Variants in LRP1B observed in about 807,000 individuals in gnomAD.
LRP1B encodes low-density lipoprotein receptor-related protein 1B.
Under a neutral mutation model 556.6 loss-of-function variants are expected in LRP1B, and 217 were observed. That is an observed-to-expected ratio of 0.39 (90% CI 0.35 to 0.44). The LOEUF (loss-of-function observed/expected upper bound fraction) is 0.44, where lower values mean the gene tolerates loss of function less well. LRP1B is among the 20% of genes least tolerant of loss of function. The probability of loss-of-function intolerance (pLI) is 1.00; values close to 1 mark genes in which losing one functional copy is unlikely to be tolerated. For synonymous variants in LRP1B, 2,047 were observed against 1,865.8 expected (o/e 1.10, Z -2.50); for missense variants, 5,053 against 5,620.8 (o/e 0.90, Z 3.23).
intron 2 of LRP1B, among the ~76,000 whole-genome samples, chr2:141,535,039 C>T (rs1685022210): frequency 1.3e-5 from 2 of 152,160 alleles, no homozygotes; most frequent in Non-Finnish European, 2.9e-5. Flanking sequence ...TTTACACAGC[C>T]ATCAATTCCT....
intron 80 of LRP1B, among the ~76,000 whole-genome samples, chr2:140,324,650 TTG>T (rs1251929603): frequency 3.3e-5 from 5 of 152,070 alleles, no homozygotes; most frequent in Non-Finnish European, 7.4e-5. Context: ...TTTTCACATC[TTG>T]TGATTTATTT....
chr2:141,371,137 C>A lies in LRP1B; in HGVS notation c.343+109259G>T, dbSNP rs567331424. Among the ~76,000 whole-genome samples the A allele has an allele frequency of 1.2e-4, 18 of 152,216 alleles. No individual in the cohort carries two copies. In the South Asian group the frequency reaches 2.3e-3, roughly 19 times the overall value. The stretch of plus-strand genomic sequence containing the variant: ...TAGCTGGGATTACAGGCATGCACCA[C>A]CACGCCAGGTACATTTTTGTATTTT... On this transcript the variant is annotated intron_variant, in intron 3 of 90. Coordinates refer to ENST00000389484, the MANE Select transcript of LRP1B (RefSeq NM_018557.3).
chr2:141,169,545 G>A (rs903561913), intron 7 of LRP1B, among the ~76,000 whole-genome samples: 5 of 151,602 alleles, frequency 3.3e-5, no homozygotes, highest in African/African-American at 4.8e-5. Flanking sequence ...TGCACTGCAC[G>A]ATACAGTGAC....
At chr2:140,920,545 A>G (rs1331182652) in intron 21 of LRP1B, among the ~76,000 whole-genome samples, 1 of 152,028 alleles carries the variant, frequency 6.6e-6, no homozygotes, top group African/African-American at 2.4e-5. Context: ...TTTAAAGTAA[A>G]TGAAAAAATA....
At chr2:140,502,933 G>A in intron 54 of LRP1B, 30 bp downstream of exon 54, 1 of 1,606,280 alleles carries the variant, frequency 6.2e-7, no homozygotes, top group South Asian at 1.1e-5. Flanking sequence ...ACACTTTAGA[G>A]TAAATGCGGT....
intron 84 of LRP1B, among the ~76,000 whole-genome samples, chr2:140,284,078 A>AT (rs36029133): frequency 0.53 from 80,430 of 151,324 alleles, 24,352 homozygotes; most frequent in Non-Finnish European, 0.68. Flanking sequence ...GCCATTTGCC[A>AT]TATTTAGGCC....
chr2:141,940,574 A>G (rs1204442827), intron 1 of LRP1B, among the ~76,000 whole-genome samples: 3 of 152,188 alleles, frequency 2.0e-5, no homozygotes, highest in Admixed American at 6.5e-5. Context: ...TAAATGTTGA[A>G]TATACTTATC....
intron 55 of LRP1B, among the ~76,000 whole-genome samples, chr2:140,500,769 A>G (rs1387204306): frequency 1.3e-5 from 2 of 151,918 alleles, no homozygotes; most frequent in Non-Finnish European, 2.9e-5. Context: ...ATACACTCCA[A>G]TTCGTCATGG....
At chr2:142,070,642 C>T (rs1401285605) in intron 1 of LRP1B, among the ~76,000 whole-genome samples, 2 of 151,810 alleles carry the variant, frequency 1.3e-5, no homozygotes, top group Admixed American at 6.6e-5. Context: ...CAGGTGCTCA[C>T]ATTATAAAAG....
At chr2:141,646,397 C>T (rs1242692547) in intron 2 of LRP1B, among the ~76,000 whole-genome samples, 2 of 151,982 alleles carry the variant, frequency 1.3e-5, no homozygotes, top group Non-Finnish European at 2.9e-5. Flanking sequence ...AATGTTTCAT[C>T]TCGAATTTAA....
intron 23 of LRP1B, among the ~76,000 whole-genome samples, chr2:140,894,223 A>G (rs182801845): frequency 1.5e-4 from 22 of 147,910 alleles, no homozygotes; most frequent in African/African-American, 4.1e-4. Context: ...ATTAATTTTC[A>G]TCTTCCTGGA....
At chr2:141,952,798 T>C (rs1701143082) in intron 1 of LRP1B, among the ~76,000 whole-genome samples, 1 of 152,174 alleles carries the variant, frequency 6.6e-6, no homozygotes, top group Non-Finnish European at 1.5e-5. Context: ...GTTGGGTCAG[T>C]ATCTGGCTTA....
Position 140,435,698 on chromosome 2 carries a change from G to A in LRP1B, c.10414+6806C>T, listed in dbSNP as rs571782683. On this transcript the variant is annotated intron_variant, in intron 66 of 90. Coordinates refer to ENST00000389484, the MANE Select transcript of LRP1B (RefSeq NM_018557.3). ...AAAAAAAAAAGAAAGAAACATCAAC[G>A]AATAATTGCATATCCTTTTGGTGGA... 6.0e-5 allele frequency among the ~76,000 whole-genome samples: 9 copies of A among 151,142 alleles called. No homozygotes were observed. The East Asian group carries it at 1.2e-3, about 20-fold the overall frequency.
chr2:141,691,587 C>T lies in LRP1B; in HGVS notation c.205+118692G>A, dbSNP rs561843451. 2.3e-4 allele frequency among the ~76,000 whole-genome samples: 35 copies of T among 151,066 alleles called. No homozygotes were observed. In the South Asian group the frequency reaches 6.5e-3, roughly 28 times the overall value. On this transcript the variant is annotated intron_variant, in intron 2 of 90. Coordinates refer to ENST00000389484, the MANE Select transcript of LRP1B (RefSeq NM_018557.3). ...TACTTTCAGTATGTCAAAGCAAATGCGGGGGTCAATTAATTTCTATACTGC... is the reference window on the plus strand; with the variant it reads ...TACTTTCAGTATGTCAAAGCAAATGTGGGGGTCAATTAATTTCTATACTGC...
intron 2 of LRP1B, among the ~76,000 whole-genome samples, chr2:141,731,748 T>G (rs1040252472): frequency 5.3e-5 from 8 of 152,136 alleles, no homozygotes; most frequent in Non-Finnish European, 1.0e-4. Context: ...CTCTTCTGTA[T>G]CTTGCTTTCC....
chr2:140,764,093 G>A (rs997774532), intron 35 of LRP1B, among the ~76,000 whole-genome samples: 6 of 151,946 alleles, frequency 3.9e-5, no homozygotes, highest in African/African-American at 1.4e-4. Context: ...TTCTTCTGTG[G>A]CCTTGGTTGG....
intron 20 of LRP1B, among the ~76,000 whole-genome samples, chr2:140,934,900 A>T (rs1340922859): frequency 6.6e-6 from 1 of 152,146 alleles, no homozygotes; most frequent in African/African-American, 2.4e-5. Flanking sequence ...GGATGTTCAA[A>T]CACAACCACT....
chr2:141,065,500 C>G (rs933147513), intron 7 of LRP1B, among the ~76,000 whole-genome samples: 1 of 151,876 alleles, frequency 6.6e-6, no homozygotes, highest in African/African-American at 2.4e-5. Context: ...TTGAGCAGTT[C>G]TTCAGCTTTC....
At chr2:141,140,301 G>A (rs773380482) in intron 7 of LRP1B, among the ~76,000 whole-genome samples, 3 of 151,892 alleles carry the variant, frequency 2.0e-5, no homozygotes, top group Admixed American at 6.6e-5. Context: ...CAACCGTGTC[G>A]CTTATTGAAC....
Sources: gnomAD v4.1 joint callset for allele counts (sites outside exome capture counted in the v4.1 genomes callset) on GRCh38, gnomAD v4.1.1 for gene constraint, MANE v1.5 for transcripts, NCBI Gene and HGNC (gene_info 2026-07-23, HGNC 2026-07-21) for gene names.